The following ZNF229 variants were observed in gnomAD, a reference collection of about 807,000 sequenced individuals.
ZNF229 encodes zinc finger protein 229.
In ZNF229, 10 loss-of-function variants were observed where a neutral mutation model predicts 11.8. The observed-to-expected ratio is 0.85, with a 90% confidence interval of 0.52 to 1.44. The LOEUF is 1.44. Ranked by LOEUF, ZNF229 falls within the 40% of genes most tolerant of loss-of-function variation. The probability of loss-of-function intolerance (pLI) is 0.00; values close to 1 mark genes in which losing one functional copy is unlikely to be tolerated. For synonymous variants in ZNF229, 368 were observed against 374.8 expected, an observed-to-expected ratio of 0.98 and a Z score of 0.21; for missense variants, 1,045 against 1,015.1, an observed-to-expected ratio of 1.03 and a Z score of -0.40.
chr19:44,446,232 G>A (rs1251159543), intron 2 of ZNF229, among the ~76,000 whole-genome samples: 1 of 152,126 alleles, frequency 6.6e-6, no homozygotes, highest in Non-Finnish European at 1.5e-5. Flanking sequence ...TGAAGAGGAG[G>A]AGAAATAAAT....
intron 3 of ZNF229, 32 bp downstream of exon 3, chr19:44,442,782 T>TGC: frequency 1.9e-6 from 3 of 1,545,178 alleles, no homozygotes; most frequent in Non-Finnish European, 2.7e-6. Context: ...GTTTGGATTC[T>TGC]CCCCCCACCC....
chr19:44,437,710 A>C (rs1971838114), intron 4 of ZNF229, among the ~76,000 whole-genome samples: 1 of 152,190 alleles, frequency 6.6e-6, no homozygotes, highest in Non-Finnish European at 1.5e-5. Flanking sequence ...AAGACATGAA[A>C]TCAAACTAAA....
At chr19:44,435,795 G>A (rs910893446) in intron 4 of ZNF229, among the ~76,000 whole-genome samples, 16 of 152,214 alleles carry the variant, frequency 1.1e-4, no homozygotes, top group African/African-American at 3.9e-4. Context: ...AAACAGAGGA[G>A]AGAAAATTCC....
At chr19:44,444,560 C>A (rs1348948405) in intron 2 of ZNF229, among the ~76,000 whole-genome samples, 3 of 152,158 alleles carry the variant, frequency 2.0e-5, no homozygotes, top group Non-Finnish European at 4.4e-5. Context: ...CACCGCAATG[C>A]CACTTAAACT....
rs2123342166 is a variant in ZNF229, at chr19:44,430,397, T to C, written c.384A>G (p.Gly128=). The C allele has an allele frequency of 6.2e-7, 1 of 1,614,198 alleles. No individual in the cohort carries two copies. Among genetic ancestry groups the C allele is most frequent in the South Asian group, 1.1e-5 (1 of 91,086 alleles). ...CATCTTCTGAGAACTGGAAGTCTTTTCCTTGCAGATTTACTCTACAGTCTT... is the reference window on the plus strand; with the variant it reads ...CATCTTCTGAGAACTGGAAGTCTTTCCCTTGCAGATTTACTCTACAGTCTT... ...GSQDCRVNLQ[G]KDFQFSEDAA... Residue 128 remains glycine, a synonymous_variant, in exon 6 of 6, where the codon GGA becomes GGG. Coordinates refer to ENST00000614049, the MANE Select transcript of ZNF229 (RefSeq NM_014518.4).
Position 44,430,789 on chromosome 19 carries a change from C to T in ZNF229, c.239-247G>A, listed in dbSNP as rs151241382. Among the ~76,000 whole-genome samples the T allele has an allele frequency of 1.4e-3, 207 of 152,198 alleles. 6 individuals are homozygous for T. The highest frequency in any genetic ancestry group is 4.7e-3 in the African/African-American group (197 of 41,494). On this transcript the variant is annotated intron_variant, in intron 5 of 5. Coordinates refer to ENST00000614049, the MANE Select transcript of ZNF229 (RefSeq NM_014518.4). ...GAATTGCCAGGCAAAAAAAGAATTTCGGAACAGATTTTTATAGAGAAAGTT... is the reference window on the plus strand; with the variant it reads ...GAATTGCCAGGCAAAAAAAGAATTTTGGAACAGATTTTTATAGAGAAAGTT...
rs1208110221 is a variant in ZNF229, at chr19:44,426,525, A to G, written c.*1778T>C. On this transcript the variant is annotated 3_prime_UTR_variant, in exon 6 of 6. Coordinates refer to ENST00000614049, the MANE Select transcript of ZNF229 (RefSeq NM_014518.4). Reference sequence around the variant, plus strand: ...GGGTCATGCTATAATTGTTGTTCTAAAACTCTCCTGGTTCACTAAATACTT... The same window carrying G: ...GGGTCATGCTATAATTGTTGTTCTAGAACTCTCCTGGTTCACTAAATACTT... The G allele has an allele frequency of 6.6e-6, 1 of 152,146 alleles. No individual in the cohort carries two copies. The highest frequency in any genetic ancestry group is 1.5e-5 in the Non-Finnish European group (1 of 68,036). 9.4% of individuals were successfully genotyped at this position (152,146 alleles called of 1,614,324 possible).
In ZNF229 at chr19:44,430,337, C is replaced by T. The variant is rs746274514; in HGVS notation, c.444G>A (p.Thr148=). The T allele has an allele frequency of 1.5e-5, 24 of 1,613,968 alleles. No individual in the cohort carries two copies. Among genetic ancestry groups the T allele is most frequent in the Non-Finnish European group, 1.9e-5 (22 of 1,180,026 alleles). ...GGAAATTCTCAATTGGAAAACACGG[C>T]GTAGATGCTCCTTCCCACCCTTGAT... is the stretch of plus-strand genomic sequence containing the variant. The part of the protein sequence containing the change: ...APHQGWEGAS[T]PCFPIENFLD... The change falls in exon 6 of 6, where the codon ACG becomes ACA. Residue 148 remains threonine, a synonymous_variant. Coordinates refer to ENST00000614049, the MANE Select transcript of ZNF229 (RefSeq NM_014518.4).
Position 44,442,891 on chromosome 19 carries a change from T to C in ZNF229, c.-44A>G. ...CTCTGCGAGCAGCAGCAACTGTATT[T>C]ATTCTCTGGTTTTCCTAAGCTGGAG... On this transcript the variant is annotated 5_prime_UTR_variant, in exon 3 of 6. It adds an upstream start codon to the 5' untranslated region. Transcript: ENST00000614049. 1 of 1,610,952 alleles carries C rather than the reference T, an allele frequency of 6.2e-7. No homozygotes were observed. Among genetic ancestry groups the C allele is most frequent in the Non-Finnish European group, 8.5e-7 (1 of 1,177,370 alleles).
chr19:44,443,413 A>G (rs1352706031), intron 2 of ZNF229, among the ~76,000 whole-genome samples: 1 of 152,234 alleles, frequency 6.6e-6, no homozygotes, highest in African/African-American at 2.4e-5. Context: ...TAGGGATTAT[A>G]GAAATCAGGA....
At chr19:44,432,851 TTAAA>T (rs921774977) in intron 4 of ZNF229, among the ~76,000 whole-genome samples, 7 of 151,744 alleles carry the variant, frequency 4.6e-5, no homozygotes, top group South Asian at 2.1e-4. Context: ...AATAATAAAA[TTAAA>T]TAAATAAATA....
rs766637877 is a variant in ZNF229, at chr19:44,429,553, A to G, written c.1228T>C (p.Cys410Arg). The change falls in exon 6 of 6, where the codon TGT becomes CGT. Residue 410 changes from cysteine to arginine, a missense_variant. Coordinates refer to ENST00000614049, the MANE Select transcript of ZNF229 (RefSeq NM_014518.4). ...TGEKPYKCSE[C>R]GKGFSYSSVL... ...GAGCTGTAACTGAAGCCCTTCCCAC[A>G]CTCGCTGCATTTATATGGTTTCTCT... 1 of 1,613,510 alleles carries G rather than the reference A, an allele frequency of 6.2e-7. No individual in the cohort carries two copies. The highest frequency in any genetic ancestry group is 2.2e-5 in the East Asian group (1 of 44,842).
chr19:44,431,845 A>G (rs958487936), intron 5 of ZNF229: 92 of 975,738 alleles, frequency 9.4e-5, no homozygotes, highest in Non-Finnish European at 1.1e-4. Flanking sequence ...CTAAATCCCA[A>G]CGTGATACCA....
intron 4 of ZNF229, among the ~76,000 whole-genome samples, chr19:44,440,313 G>A (rs62116267): frequency 6.6e-6 from 1 of 151,942 alleles, no homozygotes; most frequent in East Asian, 1.9e-4. Context: ...AAAAGAAAAG[G>A]AAGAAGGAAG....
chr19:44,430,190 C>T lies in ZNF229; in HGVS notation c.591G>A (p.Gly197=), dbSNP rs1368445436. ...GATTTTTACATCTTTCTTGAACATC[C>T]CCTAACTGGTTCACAAACGCTTTTG... is the stretch of plus-strand genomic sequence containing the variant. The part of the protein sequence containing the change: ...SWAKAFVNQL[G]DVQERCKNLD... Residue 197 remains glycine (G), a synonymous_variant, in exon 6 of 6, where the codon GGG becomes GGA. Transcript: ENST00000614049. 3.7e-6 allele frequency: 6 copies of T among 1,614,042 alleles called. 1 individual carries two copies. In the South Asian group the frequency reaches 6.6e-5, roughly 18 times the overall value.
intron 5 of ZNF229, chr19:44,431,948 G>A: frequency 1.6e-6 from 1 of 633,688 alleles, no homozygotes; most frequent in East Asian, 7.1e-5. Context: ...GATGCCCAGA[G>A]AGCTCTTCTC....
At chr19:44,440,819 G>A (rs1430875202) in intron 4 of ZNF229, among the ~76,000 whole-genome samples, 1 of 151,674 alleles carries the variant, frequency 6.6e-6, no homozygotes, top group Non-Finnish European at 1.5e-5. Context: ...GATTTCCCTG[G>A]GCTCAAGCAA....
chr19:44,427,876 T>C lies in ZNF229; in HGVS notation c.*427A>G, dbSNP rs1971607750. 6.2e-6 allele frequency: 1 copy of C among 160,268 alleles called. No homozygotes were observed. The highest frequency in any genetic ancestry group is 2.4e-5 in the African/African-American group (1 of 41,594). 9.9% of individuals were successfully genotyped at this position (160,268 alleles called of 1,614,324 possible). ...ATAAAGCGATCTTTAAAAAGATATG[T>C]ACCAAACTGGTTTTAGAAAGGTGGA... On this transcript the variant is annotated 3_prime_UTR_variant, in exon 6 of 6. Coordinates refer to ENST00000614049, the MANE Select transcript of ZNF229 (RefSeq NM_014518.4).
intron 2 of ZNF229, 130 bp from the exon 3 acceptor site, chr19:44,443,154 C>T: frequency 2.5e-6 from 1 of 403,694 alleles, no homozygotes; most frequent in Non-Finnish European, 4.5e-6. Flanking sequence ...GTTTAGTCCC[C>T]TACTCTGAAG....
Sources: allele counts gnomAD v4.1 joint callset (sites outside exome capture counted in the v4.1 genomes callset), GRCh38; gene constraint gnomAD v4.1.1; transcripts MANE v1.5; gene names NCBI Gene and HGNC (gene_info 2026-07-23, HGNC 2026-07-21).